HSPG2: variants seen among roughly 807,000 people sequenced by gnomAD.
HSPG2 encodes the protein basement membrane-specific heparan sulfate proteoglycan core protein.
HSPG2 carries 278 observed loss-of-function variants against 526.6 expected under a neutral mutation model. The ratio of observed to expected loss-of-function variants is 0.53; its 90% CI spans 0.48 to 0.58. The LOEUF (loss-of-function observed/expected upper bound fraction) is 0.58. Ranked by LOEUF, HSPG2 falls within the 20% of genes least tolerant of loss-of-function variation. HSPG2 has a pLI of 0.00. For missense variants in HSPG2, 5,354 were observed against 6,099.5 expected (o/e 0.88, Z 4.07); for synonymous variants, 2,465 against 2,555.4 (o/e 0.96, Z 1.07).
At chr1:21,914,111 T>C (rs1292256605) in intron 1 of HSPG2, among the ~76,000 whole-genome samples, 1 of 152,196 alleles carries the variant, frequency 6.6e-6, no homozygotes, top group Non-Finnish European at 1.5e-5. Flanking sequence ...GTAATCATTA[T>C]AGGAGCAGGT....
intron 76 of HSPG2, chr1:21,835,264 C>T (rs1159186144): frequency 1.5e-5 from 9 of 596,844 alleles, no homozygotes; most frequent in East Asian, 8.5e-5. Flanking sequence ...GGTGGGACTA[C>T]AGGTGCGTTC....
In HSPG2 at chr1:21,855,918, A is replaced by G. The variant is rs2152725526; in HGVS notation, c.5576-6T>C. On this transcript the variant is annotated splice_polypyrimidine_tract_variant and splice_region_variant and intron_variant, in intron 44 of 96. Coordinates refer to ENST00000374695, the MANE Select transcript of HSPG2 (RefSeq NM_005529.7). ...GGCGGACAAGGTGCCCGAGGCTGAC[A>G]AGGGAGGAAAAGGAACATGCACTCA... 2 of 1,607,094 alleles carry G rather than the reference A, an allele frequency of 1.2e-6. No homozygotes were observed. Among genetic ancestry groups the G allele is most frequent in the Non-Finnish European group, 1.7e-6 (2 of 1,179,906 alleles).
Position 21,890,399 on chromosome 1 carries a change from C to A in HSPG2, c.413+28G>T, listed in dbSNP as rs1308712616. On this transcript the variant is annotated intron_variant, in intron 5 of 96. Transcript: ENST00000374695. The surrounding 1 kb of genome is among the most constrained non-coding windows in gnomAD (Gnocchi z 4.1). ...CTCCAGGTTACCCGCTCAAGTCCCCCAGCAGCCCCCAGGGAGCCCCTTCTC... is the reference window on the plus strand; with the variant it reads ...CTCCAGGTTACCCGCTCAAGTCCCCAAGCAGCCCCCAGGGAGCCCCTTCTC... 6 of 1,611,138 alleles carry A rather than the reference C, an allele frequency of 3.7e-6. No homozygotes were observed. In the South Asian group the frequency reaches 6.6e-5, roughly 18 times the overall value.
chr1:21,877,072 A>AAAAAG (rs1557767649), intron 21 of HSPG2, among the ~76,000 whole-genome samples: 2 of 151,258 alleles, frequency 1.3e-5, no homozygotes, highest in African/African-American at 4.9e-5. Flanking sequence ...AAAAAAAAAA[A>AAAAAG]AAAAGAAAAG....
At chr1:21,835,670 T>G (rs762814633) in intron 75 of HSPG2, 33 bp from the exon 76 acceptor site, 3 of 1,531,732 alleles carry the variant, frequency 2.0e-6, no homozygotes, top group Non-Finnish European at 2.7e-6. Flanking sequence ...CATCAGGGAG[T>G]TGAAAACAAC....
rs2098009360 is a variant in HSPG2 at position 21,832,598 on chromosome 1, G to A, written c.11104C>T (p.Leu3702=). The A allele has an allele frequency of 6.2e-7, 1 of 1,613,898 alleles. No homozygotes were observed. The highest frequency in any genetic ancestry group is 1.7e-5 in the Admixed American group (1 of 60,022). Residue 3702 remains leucine, a synonymous_variant, in exon 81 of 97, where the codon CTG becomes TTG. Coordinates refer to ENST00000374695, the MANE Select transcript of HSPG2 (RefSeq NM_005529.7). Reference sequence around the variant, plus strand: ...GGGACTCGCTTCTGCCCATTGTACAGCAGCATCCCTGGGTGGGCACCACTG... The same window carrying A: ...GGGACTCGCTTCTGCCCATTGTACAACAGCATCCCTGGGTGGGCACCACTG... ...FRPDSADGML[L]YNGQKRVPGS...
At position 21,846,506 on chromosome 1, in the gene HSPG2, T is replaced by C; in HGVS notation, c.8258A>G (p.Gln2753Arg). The C allele has an allele frequency of 6.2e-7, 1 of 1,613,774 alleles. No homozygotes were observed. Among genetic ancestry groups the C allele is most frequent in the South Asian group, 1.1e-5 (1 of 91,086 alleles). Residue 2753 changes from glutamine (Q) to arginine (R), a missense_variant, in exon 63 of 97, where the codon CAG becomes CGG. Physicochemically the swap from Gln to Arg is conservative, Grantham distance 43. Transcript: ENST00000374695. ...GTGCCAAGTGACCTGGGCATGGGCC[T>C]GCCCGGGGACCACGCAGTTCAGATC... ...TLDLNCVVPG[Q>R]AHAQVTWHKR...
intron 1 of HSPG2, among the ~76,000 whole-genome samples, chr1:21,907,057 G>A (rs895245587): frequency 1.3e-5 from 2 of 152,172 alleles, no homozygotes; most frequent in Non-Finnish European, 2.9e-5. Context: ...CCTGTCACCT[G>A]AGAAATCCAG....
intron 1 of HSPG2, among the ~76,000 whole-genome samples, chr1:21,922,678 G>A (rs559025116): frequency 3.9e-5 from 6 of 152,280 alleles, no homozygotes; most frequent in Non-Finnish European, 7.4e-5. Context: ...CCAACGTAAG[G>A]TGGAGCCTCT....
rs572033213 is a variant in HSPG2 at position 21,880,317 on chromosome 1, T to A, written c.2195+46A>T. The A allele has an allele frequency of 9.3e-6, 15 of 1,613,804 alleles. No individual in the cohort carries two copies. The African/African-American group carries it at 1.2e-4, about 13-fold the overall frequency. On this transcript the variant is annotated intron_variant, in intron 16 of 96. Coordinates refer to ENST00000374695, the MANE Select transcript of HSPG2 (RefSeq NM_005529.7). ...GTGAGGCCCTGCCGTTTCTCCTCTA[T>A]CCTTGCTAGGGTCTCTGTGGTTCCC... is the stretch of plus-strand genomic sequence containing the variant.
intron 13 of HSPG2, among the ~76,000 whole-genome samples, chr1:21,883,432 C>T (rs1641652971): frequency 6.6e-6 from 1 of 152,204 alleles, no homozygotes; most frequent in Non-Finnish European, 1.5e-5. Context: ...ATCCTCCTGC[C>T]TCAGCCTCTC....
At position 21,848,784 on chromosome 1, in the gene HSPG2, C is replaced by T. The variant is rs1638655368; in HGVS notation, c.7596G>A (p.Val2532=). ...AGGACTCGATGCGGACGGGGTACGCCACACCCTGGGCTGGGAGGGTGAGAT... is the reference window on the plus strand; with the variant it reads ...AGGACTCGATGCGGACGGGGTACGCTACACCCTGGGCTGGGAGGGTGAGAT... ...QRLSGSHSQG[V]AYPVRIESSS... Residue 2532 remains valine, a synonymous_variant, in exon 59 of 97, where the codon GTG becomes GTA. Transcript: ENST00000374695. This position sits in a 1 kb window ranked among gnomAD's most constrained non-coding sequence, Gnocchi z 4.9. The T allele has an allele frequency of 6.2e-7, 1 of 1,613,614 alleles. No homozygotes were observed. The highest frequency in any genetic ancestry group is 1.7e-5 in the Admixed American group (1 of 59,982).
At chr1:21,860,146 C>T (rs1050002667) in intron 40 of HSPG2, 31 bp downstream of exon 40, 15 of 1,612,604 alleles carry the variant, frequency 9.3e-6, no homozygotes, top group Non-Finnish European at 1.3e-5. Flanking sequence ...CCTTGCCCAT[C>T]GTCCCCATCC....
chr1:21,926,220 C>G (rs1050858245), intron 1 of HSPG2, among the ~76,000 whole-genome samples: 9 of 152,152 alleles, frequency 5.9e-5, no homozygotes, highest in Non-Finnish European at 1.0e-4. Context: ...GCGATAATGC[C>G]TGGCAAGAGC....
At chr1:21,910,803 C>T (rs1643616607) in intron 1 of HSPG2, among the ~76,000 whole-genome samples, 1 of 152,144 alleles carries the variant, frequency 6.6e-6, no homozygotes, top group Non-Finnish European at 1.5e-5. Context: ...ACAAAGAACA[C>T]ATCAAGCCTT....
chr1:21,919,877 G>C (rs1484209441), intron 1 of HSPG2, among the ~76,000 whole-genome samples: 1 of 152,148 alleles, frequency 6.6e-6, no homozygotes. Context: ...CTTGTGATTT[G>C]ATCTATAAGA....
chr1:21,847,745 G>A lies in HSPG2; in HGVS notation c.7969C>T (p.Pro2657Ser). 1 of 1,612,794 alleles carries A rather than the reference G, an allele frequency of 6.2e-7. No individual in the cohort carries two copies. Among genetic ancestry groups the A allele is most frequent in the Non-Finnish European group, 8.5e-7 (1 of 1,179,586 alleles). ...TTGTACCATGTGATGATAGCCTGGG[G>A]CTGCCTGGCGACCACGCAGTTCAGA... ...LDLNCVVARQ[P>S]QAIITWYKRG... is the part of the protein sequence containing the mutation. The change falls in exon 61 of 97, where the codon CCC becomes TCC. Residue 2657 changes from proline (P) to serine (S), a missense_variant. Coordinates refer to ENST00000374695, the MANE Select transcript of HSPG2 (RefSeq NM_005529.7). This position sits in a 1 kb window ranked among gnomAD's most constrained non-coding sequence, Gnocchi z 4.1.
chr1:21,905,739 T>A (rs937160440), intron 1 of HSPG2, among the ~76,000 whole-genome samples: 2 of 152,052 alleles, frequency 1.3e-5, no homozygotes, highest in Admixed American at 6.5e-5. Flanking sequence ...TGAAAATCCA[T>A]CTAAAAAAAT....
Position 21,879,003 on chromosome 1 carries a change from G to C in HSPG2, c.2462C>G (p.Ala821Gly). ...CRPCPCPYID[A>G]SRRFSDTCFL... The stretch of plus-strand genomic sequence containing the variant: ...CGGAGCTGGGGCTGACCTGCGGGAG[G>C]CATCGATGTATGGGCAAGGGCAGGG... Residue 821 changes from alanine to glycine, a missense_variant, in exon 18 of 97, where the codon GCC becomes GGC. Transcript: ENST00000374695. The C allele has an allele frequency of 6.2e-7, 1 of 1,613,872 alleles. No homozygotes were observed. The highest frequency in any genetic ancestry group is 8.5e-7 in the Non-Finnish European group (1 of 1,179,922).
Sources: gnomAD v4.1 joint callset for allele counts (sites outside exome capture counted in the v4.1 genomes callset) on GRCh38, gnomAD v4.1.1 for gene constraint, Gnocchi (gnomAD v3.1) non-coding constraint, MANE v1.5 for transcripts, NCBI Gene and HGNC (gene_info 2026-07-23, HGNC 2026-07-21) for gene names.